PPIL4: variants seen among roughly 807,000 people sequenced by gnomAD.
The protein encoded by PPIL4 is peptidylprolyl isomerase like 4, also known as peptidyl-prolyl cis-trans isomerase-like 4.
Under a neutral mutation model 69.1 loss-of-function variants are expected in PPIL4, and 50 were observed. That is an observed-to-expected ratio of 0.72 (90% CI 0.58 to 0.92). The LOEUF is 0.92. PPIL4 is among the 40% of genes least tolerant of loss of function. The pLI is 0.00. For synonymous variants in PPIL4, 193 were observed against 191.6 expected, an observed-to-expected ratio of 1.01 and a Z score of -0.06; for missense variants, 480 against 587.9, an observed-to-expected ratio of 0.82 and a Z score of 1.90.
rs761940773 is a variant in PPIL4 at position 149,533,567 on chromosome 6, C to A, written c.569G>T (p.Arg190Leu). ...EPTREQLDSG[R>L]IGADEEIDDF... is the part of the protein sequence containing the mutation. ...ATCAATTTCTTCATCTGCTCCTATT[C>A]GACCACTCTGTTAAGACAGAAGTTA... Residue 190 changes from arginine (R) to leucine (L), a missense_variant, in exon 7 of 13, where the codon CGA becomes CTA. By Grantham distance (102) the Arg-to-Leu change is moderately radical. Transcript: ENST00000253329. 1 of 1,592,008 alleles carries A rather than the reference C, an allele frequency of 6.3e-7. No individual in the cohort carries two copies. Among genetic ancestry groups the A allele is most frequent in the Non-Finnish European group, 8.6e-7 (1 of 1,160,982 alleles).
At chr6:149,529,478 A>AAAATTAAAAG (rs1777159112) in intron 7 of PPIL4, among the ~76,000 whole-genome samples, 1 of 151,854 alleles carries the variant, frequency 6.6e-6, no homozygotes, top group African/African-American at 2.4e-5. Flanking sequence ...AAAATTAAAA[A>AAAATTAAAAG]AAGGGCCGGG....
intron 1 of PPIL4, among the ~76,000 whole-genome samples, chr6:149,543,177 T>C (rs566209584): frequency 4.3e-4 from 65 of 152,358 alleles, no homozygotes; most frequent in African/African-American, 1.4e-3. Flanking sequence ...AAGTGCCTCC[T>C]GAATGTGATG....
At chr6:149,507,918 T>C (rs1583202135) in intron 12 of PPIL4, among the ~76,000 whole-genome samples, 1 of 152,158 alleles carries the variant, frequency 6.6e-6, no homozygotes, top group East Asian at 1.9e-4. Context: ...AAAGGGTAAG[T>C]GAGCTTGGGT....
At chr6:149,537,689 G>C (rs1372758515) in intron 4 of PPIL4, among the ~76,000 whole-genome samples, 2 of 150,612 alleles carry the variant, frequency 1.3e-5, no homozygotes, top group Non-Finnish European at 3.0e-5. Context: ...CTGGGCGACA[G>C]AGCAAGACTC....
At chr6:149,512,344 G>C (rs1270729868) in intron 11 of PPIL4, 42 bp from the exon 12 acceptor site, 1 of 1,476,604 alleles carries the variant, frequency 6.8e-7, no homozygotes, top group Admixed American at 1.9e-5. Context: ...AATAATACTG[G>C]TAAGACATCA....
chr6:149,537,622 G>A (rs1777297889), intron 4 of PPIL4, among the ~76,000 whole-genome samples: 4 of 151,754 alleles, frequency 2.6e-5, no homozygotes, highest in Admixed American at 2.6e-4. Flanking sequence ...CAGGAGAATG[G>A]CGTGAATCTG....
chr6:149,526,993 G>A (rs1372977054), intron 7 of PPIL4, among the ~76,000 whole-genome samples: 1 of 152,178 alleles, frequency 6.6e-6, no homozygotes, highest in African/African-American at 2.4e-5. Context: ...CTCATACTTT[G>A]TGTGAACAGT....
chr6:149,536,520 GC>G (rs2115038736), intron 4 of PPIL4, among the ~76,000 whole-genome samples: 1 of 152,020 alleles, frequency 6.6e-6, no homozygotes, highest in East Asian at 1.9e-4. Context: ...AATGAAACAG[GC>G]TTACTGCTGA....
chr6:149,513,385 C>CAAAAA (rs1170985851), intron 11 of PPIL4, among the ~76,000 whole-genome samples: 3 of 41,546 alleles, frequency 7.2e-5, no homozygotes, highest in African/African-American at 5.6e-4. Context: ...GACTCAGTCT[C>CAAAAA]AAAAAAAAAA....
At chr6:149,527,005 C>G (rs1050173946) in intron 7 of PPIL4, among the ~76,000 whole-genome samples, 3 of 152,204 alleles carry the variant, frequency 2.0e-5, no homozygotes, top group African/African-American at 7.2e-5. Flanking sequence ...GTGAACAGTG[C>G]TTGGAGCTTC....
intron 10 of PPIL4, among the ~76,000 whole-genome samples, chr6:149,518,388 A>G (rs1444255997): frequency 2.0e-5 from 3 of 152,120 alleles, no homozygotes; most frequent in Non-Finnish European, 2.9e-5. Flanking sequence ...CTATCCCTCA[A>G]CCACACCACT....
chr6:149,542,384 T>C (rs905497866), intron 1 of PPIL4, among the ~76,000 whole-genome samples: 6 of 152,212 alleles, frequency 3.9e-5, no homozygotes, highest in Non-Finnish European at 5.9e-5. Flanking sequence ...AAACATTTAC[T>C]GAGTACCTTC....
At chr6:149,534,961 A>G (rs1777252782) in intron 5 of PPIL4, among the ~76,000 whole-genome samples, 187 bp from the exon 6 acceptor site, 1 of 152,218 alleles carries the variant, frequency 6.6e-6, no homozygotes, top group South Asian at 2.1e-4. Flanking sequence ...GAGTGATACC[A>G]TATTTATCAC....
intron 6 of PPIL4, 142 bp from the exon 7 acceptor site, chr6:149,533,716 C>T: frequency 2.0e-6 from 1 of 497,642 alleles, no homozygotes; most frequent in Non-Finnish European, 3.5e-6. Context: ...AATCACACCA[C>T]TGCACTCCAG....
At chr6:149,509,575 A>T (rs1776812617) in intron 12 of PPIL4, among the ~76,000 whole-genome samples, 1 of 152,234 alleles carries the variant, frequency 6.6e-6, no homozygotes, top group Non-Finnish European at 1.5e-5. Flanking sequence ...ACCTCAGACT[A>T]AAGTAATAGA....
intron 11 of PPIL4, among the ~76,000 whole-genome samples, chr6:149,512,606 C>A (rs1776870192): frequency 6.6e-6 from 1 of 152,076 alleles, no homozygotes; most frequent in African/African-American, 2.4e-5. Flanking sequence ...TGAGGGACAT[C>A]TTTAACTAGA....
chr6:149,512,064 C>T (rs1054170736), intron 12 of PPIL4, 91 bp downstream of exon 12: 1 of 1,098,360 alleles, frequency 9.1e-7, no homozygotes. Flanking sequence ...TTAGAACTAT[C>T]CCTTACCTCC....
chr6:149,544,147 C>T (rs945013135), intron 1 of PPIL4, among the ~76,000 whole-genome samples: 2 of 152,122 alleles, frequency 1.3e-5, no homozygotes, highest in Non-Finnish European at 2.9e-5. Context: ...GGAAAAGAGG[C>T]CCATTTATTT....
At chr6:149,541,226 C>A in intron 3 of PPIL4, 141 bp downstream of exon 3, 1 of 527,780 alleles carries the variant, frequency 1.9e-6, no homozygotes, top group Non-Finnish European at 3.1e-6. Flanking sequence ...AAATTTAAAC[C>A]ATATTTTAAA....
Sources: gnomAD v4.1 joint callset for allele counts (sites outside exome capture counted in the v4.1 genomes callset) on GRCh38, gnomAD v4.1.1 for gene constraint, MANE v1.5 for transcripts, NCBI Gene and HGNC (gene_info 2026-07-23, HGNC 2026-07-21) for gene names.